SHC3: variants seen among roughly 807,000 people sequenced by gnomAD.
SHC3 encodes the protein SHC-transforming protein 3.
SHC3 carries 15 observed loss-of-function variants against 60.4 expected under a neutral mutation model. That is an observed-to-expected ratio of 0.25 (90% CI 0.17 to 0.38). The LOEUF (loss-of-function observed/expected upper bound fraction) is 0.38. Among genes scored for constraint, SHC3 ranks in the 10% least tolerant of loss-of-function variants. The pLI, the probability that SHC3 is intolerant of heterozygous loss-of-function variation, is 1.00. For missense variants in SHC3, 677 were observed against 786.1 expected, an observed-to-expected ratio of 0.86 and a Z score of 1.66; for synonymous variants, 294 against 325.9, an observed-to-expected ratio of 0.90 and a Z score of 1.05.
chr9:89,027,715 A>G (rs1387323721), intron 11 of SHC3, among the ~76,000 whole-genome samples: 3 of 152,218 alleles, frequency 2.0e-5, no homozygotes, highest in Non-Finnish European at 2.9e-5. Flanking sequence ...GCAGGAATTA[A>G]CAACTTCTAA....
chr9:89,110,550 T>A (rs1380326062), intron 2 of SHC3: 19 of 799,022 alleles, frequency 2.4e-5, no homozygotes, highest in Admixed American at 6.2e-5. Context: ...ATTCTTCAAC[T>A]GGATGCAAAG....
At chr9:89,040,527 C>A (rs562302322) in intron 10 of SHC3, among the ~76,000 whole-genome samples, 2 of 151,986 alleles carry the variant, frequency 1.3e-5, no homozygotes, top group African/African-American at 4.8e-5. Flanking sequence ...CCTTAGGGTC[C>A]GTGTCCAGGA....
chr9:89,042,617 T>G (rs1824705939), intron 9 of SHC3, among the ~76,000 whole-genome samples: 1 of 152,202 alleles, frequency 6.6e-6, no homozygotes, highest in Non-Finnish European at 1.5e-5. Context: ...GCTTTATAAA[T>G]TAACTTCATT....
chr9:89,056,867 T>C (rs993810506), intron 6 of SHC3, among the ~76,000 whole-genome samples: 2 of 152,260 alleles, frequency 1.3e-5, no homozygotes, highest in Admixed American at 6.5e-5. Context: ...AGCGAGACCC[T>C]GCCCAAGCCA....
Position 89,038,113 on chromosome 9 carries a change from C to T in SHC3, c.1536G>A (p.Leu512=), listed in dbSNP as rs1358699097. The stretch of plus-strand genomic sequence containing the variant: ...CCAGGAAGTCTCCGTCTTTCTCCAG[C>T]AGCCCCTCTGCCTCCTTCCTGCTCA... ...GEMSRKEAEG[L]LEKDGDFLVR... is the part of the protein sequence containing the mutation. Residue 512 remains leucine (L), a synonymous_variant, in exon 11 of 12, where the codon CTG becomes CTA. Transcript: ENST00000375835. The T allele has an allele frequency of 1.9e-6, 3 of 1,614,086 alleles. No homozygotes were observed. The highest frequency in any genetic ancestry group is 1.7e-6 in the Non-Finnish European group (2 of 1,180,004).
intron 6 of SHC3, among the ~76,000 whole-genome samples, chr9:89,053,874 G>A (rs1824902746): frequency 1.3e-5 from 2 of 152,210 alleles, no homozygotes; most frequent in South Asian, 4.1e-4. Context: ...GTCCAGGCCT[G>A]AGCAAGGGAA....
intron 1 of SHC3, among the ~76,000 whole-genome samples, chr9:89,157,515 CTGT>C: frequency 6.6e-6 from 1 of 152,348 alleles, no homozygotes; most frequent in Middle Eastern, 3.4e-3. Flanking sequence ...AGATAAATTT[CTGT>C]TGTTTTAAGT....
At chr9:89,066,615 T>C (rs1825185595) in intron 5 of SHC3, among the ~76,000 whole-genome samples, 1 of 152,192 alleles carries the variant, frequency 6.6e-6, no homozygotes, top group Non-Finnish European at 1.5e-5. Context: ...AAAGTTGGTA[T>C]TTTCGGCATT....
chr9:89,075,017 T>C (rs1825333776), intron 4 of SHC3, 92 bp downstream of exon 4: 10 of 1,503,672 alleles, frequency 6.7e-6, no homozygotes, highest in Non-Finnish European at 8.9e-6. Flanking sequence ...AAATATGCTA[T>C]GTGAGCTCAG....
At chr9:89,135,662 C>G (rs915051170) in intron 1 of SHC3, among the ~76,000 whole-genome samples, 1 of 151,992 alleles carries the variant, frequency 6.6e-6, no homozygotes, top group Non-Finnish European at 1.5e-5. Flanking sequence ...ATTCTGGTTT[C>G]ATCAGTTGTT....
At chr9:89,138,305 A>C (rs2118185010) in intron 1 of SHC3, among the ~76,000 whole-genome samples, 1 of 152,364 alleles carries the variant, frequency 6.6e-6, no homozygotes, top group East Asian at 1.9e-4. Flanking sequence ...CCATAGGCAG[A>C]CCAGGCCCAA....
Position 89,136,799 on chromosome 9 carries a change from A to G in SHC3, c.475-24173T>C, listed in dbSNP as rs1826326481. Among the ~76,000 whole-genome samples the G allele has an allele frequency of 2.0e-5, 3 of 152,124 alleles. No homozygotes were observed. In the South Asian group the frequency reaches 6.2e-4, roughly 32 times the overall value. ...CCAAGAATACTCTCTTGGGGTCTGG[A>G]TTGGGACCACTTTCAGGTAACAATA... On this transcript the variant is annotated intron_variant, in intron 1 of 11. Transcript: ENST00000375835.
intron 6 of SHC3, among the ~76,000 whole-genome samples, chr9:89,060,005 G>A (rs1211328357): frequency 6.8e-6 from 1 of 146,314 alleles, no homozygotes; most frequent in African/African-American, 2.5e-5. Flanking sequence ...GGTGGAGGAT[G>A]GTGGTGGAGG....
intron 2 of SHC3, among the ~76,000 whole-genome samples, chr9:89,094,013 A>G (rs951630092): frequency 6.6e-6 from 1 of 151,508 alleles, no homozygotes; most frequent in Non-Finnish European, 1.5e-5. Context: ...CTGAAGCAGG[A>G]TAATTGCTTG....
intron 2 of SHC3, among the ~76,000 whole-genome samples, chr9:89,079,266 C>T (rs1469786713): frequency 2.0e-5 from 3 of 152,226 alleles, no homozygotes; most frequent in African/African-American, 7.2e-5. Flanking sequence ...TAAAAGCTAA[C>T]TTCTTATTAA....
At chr9:89,142,802 A>G (rs1036269195) in intron 1 of SHC3, among the ~76,000 whole-genome samples, 1 of 152,060 alleles carries the variant, frequency 6.6e-6, no homozygotes, top group African/African-American at 2.4e-5. Context: ...CACTTGCCCA[A>G]AGTCAGCCAA....
rs115695662 is a variant in SHC3, at chr9:89,155,481, G to A, written c.474+22506C>T. ...GCTTCTCCATCCTTACAGGATGTGC[G>A]AGTGTCACCCAGACCTCACAGGACT... On this transcript the variant is annotated intron_variant, in intron 1 of 11. Coordinates refer to ENST00000375835, the MANE Select transcript of SHC3 (RefSeq NM_016848.6). Among the ~76,000 whole-genome samples the A allele has an allele frequency of 3.3e-3, 495 of 152,182 alleles. 6 individuals carry two copies. The highest frequency in any genetic ancestry group is 0.02 in the South Asian group (95 of 4,810).
chr9:89,008,215 C>T lies in SHC3; in HGVS notation c.*5232G>A, dbSNP rs977830074. 3 of 152,164 alleles carry T rather than the reference C, an allele frequency of 2.0e-5. No individual in the cohort carries two copies. Among genetic ancestry groups the T allele is most frequent in the African/African-American group, 7.2e-5 (3 of 41,440 alleles). 9.4% of individuals were successfully genotyped at this position (152,164 alleles called of 1,614,324 possible). ...CCCATTATAAATAAATTATGGCTGG[C>T]AGATGGCATTTAAGCTGCCAGCAAT... On this transcript the variant is annotated 3_prime_UTR_variant, in exon 12 of 12. Transcript: ENST00000375835.
intron 2 of SHC3, chr9:89,110,299 C>T (rs1454177598): frequency 1.0e-6 from 1 of 984,282 alleles, no homozygotes; most frequent in Non-Finnish European, 1.2e-6. Context: ...TAATTATCTG[C>T]TTATAAAAAT....
Sources: allele counts gnomAD v4.1 joint callset (sites outside exome capture counted in the v4.1 genomes callset), GRCh38; gene constraint gnomAD v4.1.1; transcripts MANE v1.5; gene names NCBI Gene and HGNC (gene_info 2026-07-23, HGNC 2026-07-21).